Variants in CDK14 observed in about 807,000 individuals in gnomAD.
CDK14 encodes cyclin-dependent kinase 14.
In CDK14, 34 loss-of-function variants were observed where a neutral mutation model predicts 60.7. That is an observed-to-expected ratio of 0.56 (90% CI 0.43 to 0.75). The LOEUF is 0.75. Ranked by LOEUF, CDK14 falls within the 30% of genes least tolerant of loss-of-function variation. CDK14 has a pLI of 0.00. For synonymous variants in CDK14, 197 were observed against 203.7 expected (o/e 0.97, Z 0.28); for missense variants, 482 against 564.1 (o/e 0.85, Z 1.47).
chr7:91,083,882 C>G (rs780775098), intron 12 of CDK14, among the ~76,000 whole-genome samples: 5 of 152,094 alleles, frequency 3.3e-5, no homozygotes, highest in African/African-American at 1.2e-4. Flanking sequence ...AAGGCCTAGC[C>G]CTGATCACTA....
chr7:91,031,824 T>A (rs1424502610), intron 10 of CDK14, among the ~76,000 whole-genome samples: 1 of 152,216 alleles, frequency 6.6e-6, no homozygotes, highest in East Asian at 1.9e-4. Context: ...CATATGGGAA[T>A]GTCGCTCCTT....
chr7:91,133,611 T>C (rs919215548), intron 14 of CDK14, among the ~76,000 whole-genome samples: 1 of 152,192 alleles, frequency 6.6e-6, no homozygotes, highest in Admixed American at 6.5e-5. Context: ...TGCTTGTACA[T>C]GTAAAATTTA....
At chr7:90,952,596 T>G (rs1049426468) in intron 8 of CDK14, among the ~76,000 whole-genome samples, 43 of 152,230 alleles carry the variant, frequency 2.8e-4, no homozygotes, top group African/African-American at 9.6e-4. Context: ...TACCCCTTCA[T>G]GAGCACACAC....
intron 5 of CDK14, among the ~76,000 whole-genome samples, chr7:90,799,998 C>T (rs536770689): frequency 1.3e-5 from 2 of 152,120 alleles, no homozygotes; most frequent in African/African-American, 4.8e-5. Context: ...ATAGATTCAA[C>T]ACAATATAAC....
At chr7:91,037,352 A>G (rs1796960432) in intron 10 of CDK14, among the ~76,000 whole-genome samples, 2 of 152,306 alleles carry the variant, frequency 1.3e-5, no homozygotes, top group South Asian at 4.1e-4. Context: ...CTAACATTAT[A>G]CAGAATATAC....
chr7:90,683,896 A>ATGTG (rs1801374583), intron 2 of CDK14, among the ~76,000 whole-genome samples: 2 of 110,454 alleles, frequency 1.8e-5, no homozygotes, highest in Non-Finnish European at 3.9e-5. Context: ...TAGAAAATGT[A>ATGTG]CGTGTGTGTG....
intron 6 of CDK14, among the ~76,000 whole-genome samples, chr7:90,867,636 G>A (rs1584064242): frequency 6.6e-6 from 1 of 152,174 alleles, no homozygotes; most frequent in East Asian, 1.9e-4. Flanking sequence ...GGGAAAATAG[G>A]GAGTTGTTCA....
chr7:90,763,263 T>G lies in CDK14; in HGVS notation c.464+15488T>G, dbSNP rs568915684. Among the ~76,000 whole-genome samples, 11 of 152,252 alleles carry G rather than the reference T, an allele frequency of 7.2e-5. 1 individual carries two copies. The highest frequency in any genetic ancestry group is 2.6e-4 in the African/African-American group (11 of 41,548). ...TTGACAGATTAAGCAGGCAGAGATA[T>G]CACTAAGGATTCGATGATCTGATCA... On this transcript the variant is annotated intron_variant, in intron 4 of 14. Transcript: ENST00000380050.
intron 5 of CDK14, among the ~76,000 whole-genome samples, chr7:90,815,885 G>A (rs1178091872): frequency 6.6e-6 from 1 of 151,976 alleles, no homozygotes; most frequent in Admixed American, 6.6e-5. Flanking sequence ...CATGGACACA[G>A]GGAGGGTAAC....
chr7:90,714,655 C>T (rs188292691), intron 2 of CDK14, among the ~76,000 whole-genome samples: 1 of 152,138 alleles, frequency 6.6e-6, no homozygotes, highest in Admixed American at 6.6e-5. Flanking sequence ...ATATATGATT[C>T]TCTGAAAATG....
intron 7 of CDK14, among the ~76,000 whole-genome samples, chr7:90,917,382 G>A (rs140888577): frequency 1.3e-5 from 2 of 152,016 alleles, no homozygotes; most frequent in Admixed American, 6.6e-5. Flanking sequence ...AATCACTCTC[G>A]GGTTGATATA....
chr7:91,061,727 T>C (rs752234652), intron 11 of CDK14, among the ~76,000 whole-genome samples: 22 of 152,220 alleles, frequency 1.4e-4, no homozygotes, highest in Non-Finnish European at 3.1e-4. Context: ...TATTGGTGAA[T>C]AGCAAATGTT....
intron 5 of CDK14, among the ~76,000 whole-genome samples, chr7:90,795,107 T>C (rs1417256079): frequency 6.6e-6 from 1 of 152,182 alleles, no homozygotes; most frequent in African/African-American, 2.4e-5. Flanking sequence ...CCAACTATTT[T>C]GCATATAAAC....
intron 2 of CDK14, among the ~76,000 whole-genome samples, chr7:90,712,095 G>A (rs1384930529): frequency 6.6e-6 from 1 of 151,460 alleles, no homozygotes; most frequent in Non-Finnish European, 1.5e-5. Flanking sequence ...TGGTAGTTAT[G>A]AAGGAGATAT....
intron 8 of CDK14, among the ~76,000 whole-genome samples, chr7:90,949,512 T>C (rs1024571240): frequency 3.3e-5 from 5 of 152,258 alleles, no homozygotes; most frequent in Non-Finnish European, 7.4e-5. Flanking sequence ...AAATGAAATA[T>C]ATTTTTTAAA....
intron 3 of CDK14, among the ~76,000 whole-genome samples, chr7:90,734,155 G>A (rs909758285): frequency 6.6e-6 from 1 of 152,212 alleles, no homozygotes; most frequent in Non-Finnish European, 1.5e-5. Context: ...CTTCTGGCTT[G>A]TAGGGTTTCT....
At chr7:91,067,137 T>C (rs1021198302) in intron 11 of CDK14, among the ~76,000 whole-genome samples, 1 of 152,254 alleles carries the variant, frequency 6.6e-6, no homozygotes, top group African/African-American at 2.4e-5. Context: ...TTGACTATTT[T>C]ATTAAATATG....
chr7:90,731,359 T>G (rs1036961031), intron 3 of CDK14, among the ~76,000 whole-genome samples: 5 of 152,158 alleles, frequency 3.3e-5, no homozygotes, highest in Admixed American at 3.3e-4. Context: ...TTTAAAGTAG[T>G]TTTTTCCAGT....
intron 5 of CDK14, among the ~76,000 whole-genome samples, chr7:90,843,202 T>C (rs946393980): frequency 6.6e-6 from 1 of 152,192 alleles, no homozygotes; most frequent in African/African-American, 2.4e-5. Context: ...GCTAGTTCTC[T>C]TCTAGCTTTA....
Sources: allele counts gnomAD v4.1 joint callset (sites outside exome capture counted in the v4.1 genomes callset), GRCh38; gene constraint gnomAD v4.1.1; transcripts MANE v1.5; gene names NCBI Gene and HGNC (gene_info 2026-07-23, HGNC 2026-07-21).